RXRA: variants seen among roughly 807,000 people sequenced by gnomAD.
The protein encoded by RXRA is retinoid X receptor alpha, also known as retinoic acid receptor RXR-alpha.
A neutral mutation model predicts 44.5 loss-of-function variants in RXRA; 5 were observed. That is an observed-to-expected ratio of 0.11 (90% CI 0.06 to 0.24). RXRA has a LOEUF of 0.24. Among genes scored for constraint, RXRA ranks in the 10% least tolerant of loss-of-function variants. The pLI is 1.00. For missense variants in RXRA, 412 were observed against 646.5 expected (o/e 0.64, Z 3.93); for synonymous variants, 291 against 271.4 (o/e 1.07, Z -0.71).
rs776339811 is a variant in RXRA at position 134,401,849 on chromosome 9, A to T, written c.246A>T (p.Thr82=). The T allele has an allele frequency of 7.6e-6, 12 of 1,577,298 alleles. No homozygotes were observed. The highest frequency in any genetic ancestry group is 1.0e-5 in the Non-Finnish European group (12 of 1,160,030). ...CCCACTCCATGTCGGTGCCCACCAC[A>T]CCCACCCTGGGCTTCAGCACTGGCA... ...MGPHSMSVPT[T]PTLGFSTGSP... is the part of the protein sequence containing the mutation. Residue 82 remains threonine, a synonymous_variant, in exon 2 of 10, where the codon ACA becomes ACT. Coordinates refer to ENST00000481739, the MANE Select transcript of RXRA (RefSeq NM_002957.6).
chr9:134,420,876 C>T (rs537828655), intron 5 of RXRA, among the ~76,000 whole-genome samples: 59 of 152,324 alleles, frequency 3.9e-4, no homozygotes, highest in African/African-American at 1.2e-3. Context: ...GGCCCCCTTC[C>T]GGCTAGGACT....
intron 6 of RXRA, chr9:134,423,571 C>T: frequency 2.0e-6 from 2 of 985,300 alleles, no homozygotes; most frequent in African/African-American, 1.7e-5. Context: ...CCATACTGGG[C>T]CCCGCCGGAG....
chr9:134,349,066 A>G lies in RXRA; in HGVS notation c.28+22407A>G, dbSNP rs567287030. On this transcript the variant is annotated intron_variant, in intron 1 of 9. Coordinates refer to ENST00000481739, the MANE Select transcript of RXRA (RefSeq NM_002957.6). This position sits in a 1 kb window ranked among gnomAD's most constrained non-coding sequence, Gnocchi z 4.3. ...TCCCCGCTGAGAAGGCTGGTGATGC[A>G]TGGTGGGTACGCTGCTTCCCGGGAG... Among the ~76,000 whole-genome samples the G allele has an allele frequency of 6.6e-6, 1 of 152,184 alleles. No homozygotes were observed.
intron 1 of RXRA, among the ~76,000 whole-genome samples, chr9:134,329,359 C>CA (rs1834967809): frequency 1.3e-5 from 2 of 152,240 alleles, no homozygotes; most frequent in Non-Finnish European, 2.9e-5. Context: ...TTAGCGCGGG[C>CA]GCTGCCCGAC....
At chr9:134,409,396 G>C (rs1397589294) in intron 4 of RXRA, among the ~76,000 whole-genome samples, 1 of 152,224 alleles carries the variant, frequency 6.6e-6, no homozygotes, top group Non-Finnish European at 1.5e-5. Context: ...GCTTAGGTTG[G>C]AGAGGTGGAG....
intron 1 of RXRA, among the ~76,000 whole-genome samples, chr9:134,387,337 T>C (rs533283717): frequency 8.7e-4 from 133 of 152,346 alleles, no homozygotes; most frequent in African/African-American, 3.1e-3. Flanking sequence ...AAGGATGCGC[T>C]CTCGGCGCCC....
intron 1 of RXRA, among the ~76,000 whole-genome samples, chr9:134,376,018 GC>G (rs1810977203): frequency 7.4e-6 from 1 of 135,798 alleles, no homozygotes; most frequent in Non-Finnish European, 1.5e-5. Context: ...TCCCTTCTCC[GC>G]ATGCGGGCAG....
chr9:134,427,087 T>C (rs1831446153), intron 6 of RXRA: 12 of 982,408 alleles, frequency 1.2e-5, no homozygotes, highest in Non-Finnish European at 1.5e-5. Flanking sequence ...GGCCACAGAT[T>C]ACCCACATGT....
chr9:134,361,057 C>G (rs532821117), intron 1 of RXRA, among the ~76,000 whole-genome samples: 6 of 152,364 alleles, frequency 3.9e-5, no homozygotes, highest in Non-Finnish European at 8.8e-5. Context: ...CTCACCCCGG[C>G]CCTGCCAGGC....
intron 2 of RXRA, chr9:134,404,848 C>A (rs1029273810): frequency 6.6e-6 from 1 of 152,392 alleles, no homozygotes; most frequent in Non-Finnish European, 1.5e-5. Flanking sequence ...CCTTCAGGGG[C>A]TCAGGAAGGA....
At chr9:134,431,109 C>T (rs1831524910) in intron 7 of RXRA, among the ~76,000 whole-genome samples, 1 of 152,256 alleles carries the variant, frequency 6.6e-6, no homozygotes. Flanking sequence ...GCCCAGGCTC[C>T]TTAGGCAACC....
intron 1 of RXRA, among the ~76,000 whole-genome samples, chr9:134,341,144 G>A (rs576781613): frequency 1.3e-5 from 2 of 152,206 alleles, no homozygotes; most frequent in Non-Finnish European, 2.9e-5. Flanking sequence ...CGCAGGCCCC[G>A]CCGTGGGTGG....
chr9:134,401,482 C>A, intron 1 of RXRA, 150 bp from the exon 2 acceptor site: 1 of 1,218,660 alleles, frequency 8.2e-7, no homozygotes, highest in Non-Finnish European at 1.2e-6. Context: ...TGTGAATTTG[C>A]GTCAGAGAGC....
At chr9:134,404,228 G>GC (rs1053498359) in intron 2 of RXRA, 6 of 152,284 alleles carry the variant, frequency 3.9e-5, no homozygotes, top group African/African-American at 1.4e-4. Flanking sequence ...GCTGCCTTCT[G>GC]CCTTCTCAAG....
chr9:134,389,198 C>T (rs767675719), intron 1 of RXRA, among the ~76,000 whole-genome samples: 1 of 152,200 alleles, frequency 6.6e-6, no homozygotes, highest in Non-Finnish European at 1.5e-5. Context: ...TGCCATTTCA[C>T]GGAACCCGTT....
chr9:134,338,019 G>T (rs1830032274), intron 1 of RXRA, among the ~76,000 whole-genome samples: 1 of 152,332 alleles, frequency 6.6e-6, no homozygotes, highest in East Asian at 1.9e-4. Flanking sequence ...CGACAGGCAG[G>T]TCCTTGCCCT....
At chr9:134,427,340 G>T (rs1354337126) in intron 6 of RXRA, among the ~76,000 whole-genome samples, 1 of 152,060 alleles carries the variant, frequency 6.6e-6, no homozygotes, top group African/African-American at 2.4e-5. Context: ...ACTCCCCATC[G>T]CAACGGGCTG....
intron 4 of RXRA, among the ~76,000 whole-genome samples, chr9:134,412,317 C>T (rs978096530): frequency 1.3e-5 from 2 of 152,240 alleles, no homozygotes; most frequent in African/African-American, 4.8e-5. Flanking sequence ...GTCAAGTGGT[C>T]CCTCGGCCCG....
In RXRA at chr9:134,421,720, G is replaced by A. The variant is rs1475927300; in HGVS notation, c.825G>A (p.Gln275=). Residue 275 remains glutamine, a synonymous_variant, in exon 6 of 10, where the codon CAG becomes CAA. Coordinates refer to ENST00000481739, the MANE Select transcript of RXRA (RefSeq NM_002957.6). ...ACATTTGCCAAGCAGCCGACAAACA[G>A]CTTTTCACCCTGGTGGAGTGGGCCA... ...VTNICQAADK[Q]LFTLVEWAKR... 1 of 1,584,084 alleles carries A rather than the reference G, an allele frequency of 6.3e-7. No homozygotes were observed. The highest frequency in any genetic ancestry group is 8.6e-7 in the Non-Finnish European group (1 of 1,159,786).
Sources: allele counts gnomAD v4.1 joint callset (sites outside exome capture counted in the v4.1 genomes callset), GRCh38; gene constraint gnomAD v4.1.1; non-coding constraint Gnocchi (gnomAD v3.1); transcripts MANE v1.5; gene names NCBI Gene and HGNC (gene_info 2026-07-23, HGNC 2026-07-21).